Variants in CTNNA3 observed in about 807,000 individuals in gnomAD.
CTNNA3 encodes the protein catenin alpha 3.
CTNNA3 carries 76 observed loss-of-function variants against 95.7 expected under a neutral mutation model. The ratio of observed to expected loss-of-function variants is 0.79; its 90% CI spans 0.66 to 0.96. CTNNA3 has a LOEUF of 0.96. Ranked by LOEUF, CTNNA3 falls within the 40% of genes least tolerant of loss-of-function variation. The probability of loss-of-function intolerance (pLI) is 0.00; values close to 1 mark genes in which losing one functional copy is unlikely to be tolerated. For synonymous variants in CTNNA3, 431 were observed against 374.4 expected (o/e 1.15, Z -1.74); for missense variants, 1,191 against 1,089.8 (o/e 1.09, Z -1.31).
chr10:67,144,555 C>A (rs1253115430), intron 7 of CTNNA3, among the ~76,000 whole-genome samples: 1 of 152,180 alleles, frequency 6.6e-6, no homozygotes, highest in African/African-American at 2.4e-5. Flanking sequence ...GCTTTTACAT[C>A]AGTACTTGCT....
intron 7 of CTNNA3, among the ~76,000 whole-genome samples, chr10:66,807,289 T>C (rs1841692184): frequency 1.3e-5 from 2 of 152,050 alleles, no homozygotes; most frequent in South Asian, 2.1e-4. Flanking sequence ...ATGATGAATT[T>C]TGGTGAACTC....
chr10:67,721,151 C>T (rs1007214694), intron 1 of CTNNA3, among the ~76,000 whole-genome samples: 2 of 152,100 alleles, frequency 1.3e-5, no homozygotes, highest in Non-Finnish European at 2.9e-5. Context: ...TTGCTCTTCT[C>T]AAGGAGTATC....
chr10:66,078,097 C>T (rs1052239906), intron 14 of CTNNA3, among the ~76,000 whole-genome samples: 1 of 151,862 alleles, frequency 6.6e-6, no homozygotes, highest in African/African-American at 2.4e-5. Flanking sequence ...CAGGCAAGTA[C>T]TTCCTTCTGA....
chr10:66,236,651 C>T (rs1318442840), intron 13 of CTNNA3, among the ~76,000 whole-genome samples: 1 of 152,108 alleles, frequency 6.6e-6, no homozygotes, highest in African/African-American at 2.4e-5. Flanking sequence ...CCCTCTTCAA[C>T]TTTATGATAA....
intron 17 of CTNNA3, among the ~76,000 whole-genome samples, chr10:65,944,870 A>G (rs956986546): frequency 6.9e-6 from 1 of 145,492 alleles, no homozygotes; most frequent in Non-Finnish European, 1.5e-5. Flanking sequence ...CTATCTATCT[A>G]TCTATCTATC....
At chr10:66,782,245 G>C (rs774964760) in intron 7 of CTNNA3, among the ~76,000 whole-genome samples, 6 of 152,038 alleles carry the variant, frequency 3.9e-5, no homozygotes, top group Admixed American at 6.6e-5. Context: ...TACAAAGCTG[G>C]CAAATAGGAA....
intron 5 of CTNNA3, among the ~76,000 whole-genome samples, chr10:67,235,153 G>GA (rs560119166): frequency 6.6e-6 from 1 of 152,038 alleles, no homozygotes; most frequent in Non-Finnish European, 1.5e-5. Context: ...CACAGAATTG[G>GA]AAAAAACTAT....
At chr10:67,493,204 C>T (rs1178022194) in intron 5 of CTNNA3, among the ~76,000 whole-genome samples, 2 of 142,876 alleles carry the variant, frequency 1.4e-5, no homozygotes, top group East Asian at 2.2e-4. Flanking sequence ...CCTAGCTCAA[C>T]GTGGGGGAAA....
intron 10 of CTNNA3, among the ~76,000 whole-genome samples, chr10:66,560,443 G>GAAA (rs1842517765): frequency 1.3e-5 from 2 of 151,886 alleles, no homozygotes; most frequent in South Asian, 4.2e-4. Flanking sequence ...AAACGAGTAA[G>GAAA]AAAATTTGTC....
At chr10:66,763,680 C>A (rs932048691) in intron 9 of CTNNA3, among the ~76,000 whole-genome samples, 4 of 152,082 alleles carry the variant, frequency 2.6e-5, no homozygotes, top group African/African-American at 9.7e-5. Context: ...TTGGTTTGAC[C>A]AATAGAATAC....
chr10:66,987,597 C>T (rs891123794), intron 7 of CTNNA3, among the ~76,000 whole-genome samples: 3 of 152,172 alleles, frequency 2.0e-5, no homozygotes, highest in Non-Finnish European at 4.4e-5. Context: ...TTACTACTGT[C>T]TCATTCCCAA....
intron 17 of CTNNA3, among the ~76,000 whole-genome samples, chr10:65,961,530 G>C (rs1383617572): frequency 6.6e-6 from 1 of 152,074 alleles, no homozygotes; most frequent in African/African-American, 2.4e-5. Context: ...GCAAAAATAT[G>C]ACTATGATAT....
chr10:66,975,055 C>T (rs771815854), intron 7 of CTNNA3, among the ~76,000 whole-genome samples: 2 of 152,102 alleles, frequency 1.3e-5, no homozygotes, highest in African/African-American at 2.4e-5. Context: ...GTATTTTAGA[C>T]TCCATTAAGA....
chr10:67,492,348 A>C (rs1401699340), intron 5 of CTNNA3, among the ~76,000 whole-genome samples: 1 of 8,708 alleles, frequency 1.1e-4, no homozygotes, highest in East Asian at 3.0e-3. Flanking sequence ...GTGTTTGTGC[A>C]AGTGAAAGGC....
intron 5 of CTNNA3, among the ~76,000 whole-genome samples, chr10:67,383,309 C>G (rs552257568): frequency 6.6e-6 from 1 of 152,062 alleles, no homozygotes. Context: ...GTACCTACCC[C>G]GTGGCAAGCA....
intron 7 of CTNNA3, among the ~76,000 whole-genome samples, chr10:67,177,949 G>A (rs2132129900): frequency 6.6e-6 from 1 of 152,300 alleles, no homozygotes; most frequent in South Asian, 2.1e-4. Context: ...ACTGCACATA[G>A]GATCCCAATT....
intron 15 of CTNNA3, among the ~76,000 whole-genome samples, chr10:65,999,143 C>T (rs1214686320): frequency 2.0e-5 from 3 of 152,106 alleles, no homozygotes; most frequent in Non-Finnish European, 4.4e-5. Context: ...ATTTACACAT[C>T]AGGCAGGACT....
chr10:66,563,642 A>T (rs188781671), intron 10 of CTNNA3, among the ~76,000 whole-genome samples: 2 of 152,134 alleles, frequency 1.3e-5, no homozygotes, highest in Admixed American at 6.6e-5. Flanking sequence ...CCTACATAAG[A>T]TAGTTACAAA....
chr10:66,623,846 A>G (rs1279901166), intron 9 of CTNNA3, among the ~76,000 whole-genome samples: 1 of 152,164 alleles, frequency 6.6e-6, no homozygotes, highest in African/African-American at 2.4e-5. Flanking sequence ...TCAAATTTGA[A>G]TGATTTTATG....
Sources: gnomAD v4.1 joint callset for allele counts (sites outside exome capture counted in the v4.1 genomes callset) on GRCh38, gnomAD v4.1.1 for gene constraint, MANE v1.5 for transcripts, NCBI Gene and HGNC (gene_info 2026-07-23, HGNC 2026-07-21) for gene names.